Variants in PIEZO1 observed in about 807,000 individuals in gnomAD.
The protein encoded by PIEZO1 is piezo-type mechanosensitive ion channel component 1.
PIEZO1 carries 296 observed loss-of-function variants against 297.2 expected under a neutral mutation model. That is an observed-to-expected ratio of 1.00 (90% CI 0.91 to 1.10). PIEZO1 has a LOEUF of 1.10. Among genes scored for constraint, PIEZO1 ranks in the 50% least tolerant of loss-of-function variants. PIEZO1 has a pLI of 0.00. For synonymous variants in PIEZO1, 2,427 were observed against 1,507.5 expected, an observed-to-expected ratio of 1.61 and a Z score of -14.13; for missense variants, 5,018 against 3,455.5, an observed-to-expected ratio of 1.45 and a Z score of -11.34.
Position 88,734,432 on chromosome 16 carries a change from G to A in PIEZO1, c.2104C>T (p.His702Tyr), listed in dbSNP as rs1490165322. 3 of 1,549,878 alleles carry A rather than the reference G, an allele frequency of 1.9e-6. No individual in the cohort carries two copies. Among genetic ancestry groups the A allele is most frequent in the African/African-American group, 1.4e-5 (1 of 73,054 alleles). ...LACILQLHYFHRPFMQLTDME... is the reference protein window; with the variant it reads ...LACILQLHYFYRPFMQLTDME... Reference sequence around the variant, plus strand: ...TCGGTGAGCTGCATGAAGGGCCTGTGGAAGTAGTGCAGCTGCAGGATGCAG... The same window carrying A: ...TCGGTGAGCTGCATGAAGGGCCTGTAGAAGTAGTGCAGCTGCAGGATGCAG... The change falls in exon 16 of 51, where the codon CAC becomes TAC. Residue 702 changes from histidine (H) to tyrosine (Y), a missense_variant. His to Tyr is a moderately conservative substitution (Grantham distance 83). Transcript: ENST00000301015.
At position 88,720,692 on chromosome 16, in the gene PIEZO1, T is replaced by G. The variant is rs753418255; in HGVS notation, c.5725A>C (p.Arg1909=). The change falls in exon 40 of 51, where the codon AGA becomes CGA. Residue 1909 remains arginine, a synonymous_variant. Transcript: ENST00000301015. ...GEEEKEAPTG[R]EKRPSRSGGR... is the part of the protein sequence containing the mutation. The stretch of plus-strand genomic sequence containing the variant: ...CCAGAGCGGCTTGGCCTCTTCTCTC[T>G]CCCCGTGGGGGCCTCTTTCTCTTCC... 5 of 1,540,168 alleles carry G rather than the reference T, an allele frequency of 3.2e-6. No homozygotes were observed. In the African/African-American group the frequency reaches 5.5e-5, roughly 17 times the overall value.
At position 88,753,650 on chromosome 16, in the gene PIEZO1, G is replaced by A. The variant is rs533447525; in HGVS notation, c.65-4171C>T. 2.6e-5 allele frequency among the ~76,000 whole-genome samples: 4 copies of A among 152,296 alleles called. No individual in the cohort carries two copies. The East Asian group carries it at 5.8e-4, about 22-fold the overall frequency. On this transcript the variant is annotated intron_variant, in intron 1 of 50. Coordinates refer to ENST00000301015, the MANE Select transcript of PIEZO1 (RefSeq NM_001142864.4). ...AAGAGTGGTCAGGACCCAGGTCCGG[G>A]CATCCCGGCCGCAGGGCCACGGCTT...
At chr16:88,743,477 G>A in intron 2 of PIEZO1, 1 of 449,180 alleles carries the variant, frequency 2.2e-6, no homozygotes, top group Non-Finnish European at 4.5e-6. Context: ...CAACTTCCTG[G>A]AGCTCAGGGA....
chr16:88,757,281 C>G (rs921676201), intron 1 of PIEZO1, among the ~76,000 whole-genome samples: 3 of 133,380 alleles, frequency 2.2e-5, no homozygotes, highest in African/African-American at 8.4e-5. Flanking sequence ...CGCAGCAGCA[C>G]CTGGTGCAGG....
rs1908124772 is a variant in PIEZO1, at chr16:88,785,120, CCGACGTCCCGGGCCCGCGCTCGCTCAGG to C, written c.-184_-157del. The stretch of plus-strand genomic sequence containing the variant: ...TTCTCCTTCGGCCGCCCCGCCGGTG[CCGACGTCCCGGGCCCGCGCTCGCTCAGG>C]CGACCGCCCTGCCCCTCGGCGGAGC... On this transcript the variant is annotated 5_prime_UTR_variant, in exon 1 of 51. Coordinates refer to ENST00000301015, the MANE Select transcript of PIEZO1 (RefSeq NM_001142864.4). The C allele has an allele frequency of 5.3e-6, 2 of 379,724 alleles. No individual in the cohort carries two copies. Among genetic ancestry groups the C allele is most frequent in the East Asian group, 1.1e-4 (2 of 18,252 alleles). 23.5% of individuals were successfully genotyped at this position (379,724 alleles called of 1,614,324 possible).
At chr16:88,763,457 C>T (rs569597534) in intron 1 of PIEZO1, among the ~76,000 whole-genome samples, 13 of 152,316 alleles carry the variant, frequency 8.5e-5, no homozygotes, top group African/African-American at 2.9e-4. Flanking sequence ...GCAGAAGGTT[C>T]GCTTGACCCT....
chr16:88,765,830 C>T (rs1029719134), intron 1 of PIEZO1, among the ~76,000 whole-genome samples: 2 of 152,120 alleles, frequency 1.3e-5, no homozygotes, highest in Admixed American at 6.5e-5. Flanking sequence ...CCTGCCACCA[C>T]ACCCGGCTAA....
intron 2 of PIEZO1, chr16:88,745,555 C>T (rs963504421): frequency 2.0e-5 from 3 of 152,108 alleles, no homozygotes; most frequent in African/African-American, 7.2e-5. Context: ...CCAGCCTGGC[C>T]AACATGGTGA....
Position 88,720,429 on chromosome 16 carries a change from C to T in PIEZO1, c.5905G>A (p.Val1969Ile), listed in dbSNP as rs1912348002. The T allele has an allele frequency of 2.6e-6, 4 of 1,550,492 alleles. No individual in the cohort carries two copies. The highest frequency in any genetic ancestry group is 2.6e-6 in the Non-Finnish European group (3 of 1,146,958). ...DVYALMFLADVVDFIIIIFGF... is the reference protein window; with the variant it reads ...DVYALMFLADIVDFIIIIFGF... ...AAAATGATGATGATGAAGTCGACAA[C>T]ATCAGCCAGGAACATGAGGGCATAG... Residue 1969 changes from valine to isoleucine, a missense_variant, in exon 41 of 51, where the codon GTT becomes ATT. Physicochemically the swap from Val to Ile is conservative, Grantham distance 29. Coordinates refer to ENST00000301015, the MANE Select transcript of PIEZO1 (RefSeq NM_001142864.4).
Position 88,741,201 on chromosome 16 carries a change from A to G in PIEZO1, c.465+277T>C, listed in dbSNP as rs999725091. On this transcript the variant is annotated intron_variant, in intron 5 of 50. Transcript: ENST00000301015. ...AGGTTTCCACCACCGCGTGGCCCCA[A>G]ATAATTCCCCTGTGAAGAGTTCCTA... The G allele has an allele frequency of 1.8e-4, 58 of 329,434 alleles. No homozygotes were observed. The South Asian group carries it at 2.3e-3, about 13-fold the overall frequency. The allele number at this position is 329,434 out of a possible 1,614,324, so 20.4% of individuals were successfully genotyped here.
intron 22 of PIEZO1, 100 bp from the exon 23 acceptor site, chr16:88,727,761 G>T: frequency 3.7e-6 from 2 of 545,532 alleles, no homozygotes; most frequent in South Asian, 3.2e-5. Flanking sequence ...AGCCCTCAGG[G>T]TCCATGGGAA....
Position 88,738,722 on chromosome 16 carries a change from C to G in PIEZO1, c.480G>C (p.Arg160Ser), listed in dbSNP as rs537369862. 2.7e-5 allele frequency: 41 copies of G among 1,531,660 alleles called. No homozygotes were observed. In the South Asian group the frequency reaches 3.5e-4, roughly 13 times the overall value. 94.9% of individuals were successfully genotyped at this position (1,531,660 alleles called of 1,614,324 possible). A position where few individuals can be genotyped will look rare whatever the true frequency, so the allele number is the denominator to read the frequency against. ...CTGCCGTCGGGCTGGCATCCACATC[C>G]CTCTCATCATCATCCTGCCAAGGTC... ...PHPRELDDDE[R>S]DVDASPTAGL... Residue 160 changes from arginine (R) to serine (S), a missense_variant, in exon 6 of 51, where the codon AGG becomes AGC. Physicochemically the swap from Arg to Ser is moderately radical, Grantham distance 110 (BLOSUM62 -1). Transcript: ENST00000301015.
chr16:88,771,252 G>T (rs916352117), intron 1 of PIEZO1, among the ~76,000 whole-genome samples: 2 of 152,232 alleles, frequency 1.3e-5, no homozygotes, highest in Admixed American at 1.3e-4. Context: ...GTCCAGACCA[G>T]TTCCACTCTT....
At chr16:88,734,325 C>CCAGGGCCGGACAGGGAGGG in intron 16 of PIEZO1, 31 bp downstream of exon 16, 1 of 1,483,834 alleles carries the variant, frequency 6.7e-7, no homozygotes, top group Non-Finnish European at 9.0e-7. Flanking sequence ...CTACACCTCT[C>CCAGGGCCGGACAGGGAGGG]CAGGGCCGGA....
rs13338527 is a variant in PIEZO1 at position 88,720,674 on chromosome 16, G to A, written c.5743C>T (p.Arg1915Cys). The A allele has an allele frequency of 3.1e-4, 479 of 1,546,820 alleles. 3 individuals are homozygous for A. The East Asian group carries it at 7.7e-3, about 25-fold the overall frequency. Residue 1915 changes from arginine to cysteine, a missense_variant, in exon 40 of 51, where the codon CGC (arginine) becomes TGC (cysteine). Physicochemically the swap from Arg to Cys is radical, Grantham distance 180. Transcript: ENST00000301015. ...GCCGCCCTTACTCTTCCTCCAGAGCGGCTTGGCCTCTTCTCTCTCCCCGTG... is the reference window on the plus strand; with the variant it reads ...GCCGCCCTTACTCTTCCTCCAGAGCAGCTTGGCCTCTTCTCTCTCCCCGTG... Reference protein sequence around the residue: ...APTGREKRPSRSGGRVRAAGR... With the variant: ...APTGREKRPSCSGGRVRAAGR...
chr16:88,761,743 C>G (rs1393956591), intron 1 of PIEZO1, among the ~76,000 whole-genome samples: 4 of 151,762 alleles, frequency 2.6e-5, no homozygotes, highest in Non-Finnish European at 5.9e-5. Context: ...TGACCCTCCC[C>G]ACTGCCCTCC....
chr16:88,727,734 G>C, intron 22 of PIEZO1, 73 bp from the exon 23 acceptor site: 1 of 683,312 alleles, frequency 1.5e-6, no homozygotes, highest in Non-Finnish European at 2.3e-6. Flanking sequence ...CCCACCCGTT[G>C]ACCCGAGTCT....
chr16:88,750,564 G>C (rs1906338275), intron 1 of PIEZO1, among the ~76,000 whole-genome samples: 1 of 152,220 alleles, frequency 6.6e-6, no homozygotes, highest in East Asian at 1.9e-4. Flanking sequence ...GCCAGTGCCT[G>C]CATCAGTCCC....
chr16:88,725,862 G>A (rs1478719467), intron 27 of PIEZO1, 178 bp from the exon 28 acceptor site: 3 of 604,528 alleles, frequency 5.0e-6, no homozygotes, highest in Non-Finnish European at 9.0e-6. Context: ...TCTGCGGCGA[G>A]GACAGGCCCT....
Sources: gnomAD v4.1 joint callset for allele counts (sites outside exome capture counted in the v4.1 genomes callset) on GRCh38, gnomAD v4.1.1 for gene constraint, MANE v1.5 for transcripts, NCBI Gene and HGNC (gene_info 2026-07-23, HGNC 2026-07-21) for gene names.